ARMC2: variants seen among roughly 807,000 people sequenced by gnomAD.
ARMC2 encodes armadillo repeat containing 2.
Under a neutral mutation model 90.3 loss-of-function variants are expected in ARMC2, and 67 were observed. The ratio of observed to expected loss-of-function variants is 0.74; its 90% CI spans 0.61 to 0.91. The LOEUF (loss-of-function observed/expected upper bound fraction) is 0.91, where lower values mean the gene tolerates loss of function less well. Ranked by LOEUF, ARMC2 falls within the 40% of genes least tolerant of loss-of-function variation. The pLI is 0.00. For missense variants in ARMC2, 920 were observed against 1,030.9 expected (o/e 0.89, Z 1.47); for synonymous variants, 393 against 393.0 (o/e 1.00, Z 0.00).
At chr6:108,880,400 T>C in intron 5 of ARMC2, 1 of 161,494 alleles carries the variant, frequency 6.2e-6, no homozygotes, top group Non-Finnish European at 1.4e-5. Context: ...GCCAGTTGCA[T>C]TCCTTCATGG....
Position 108,876,306 on chromosome 6 carries a change from G to A in ARMC2, c.627G>A (p.Met209Ile). ...TCAGTGAAATAAAGGAGCAAGAAATGTTCAAAGGAACAACATCTTTACCAT... is the reference window on the plus strand; with the variant it reads ...TCAGTGAAATAAAGGAGCAAGAAATATTCAAAGGAACAACATCTTTACCAT... The part of the protein sequence containing the change: ...GGFSEIKEQE[M>I]FKGTTSLPSH... Residue 209 changes from methionine to isoleucine, a missense_variant, in exon 5 of 18, where the codon ATG (methionine) becomes ATA (isoleucine). By Grantham distance (10) the Met-to-Ile change is conservative. Coordinates refer to ENST00000392644, the MANE Select transcript of ARMC2 (RefSeq NM_032131.6). 1.9e-6 allele frequency: 3 copies of A among 1,611,994 alleles called. No individual in the cohort carries two copies. Among genetic ancestry groups the A allele is most frequent in the East Asian group, 4.5e-5 (2 of 44,792 alleles).
chr6:108,868,845 C>T lies in ARMC2; in HGVS notation c.313C>T (p.Pro105Ser). 6.2e-7 allele frequency: 1 copy of T among 1,612,948 alleles called. No homozygotes were observed. Residue 105 changes from proline (P) to serine (S), a missense_variant, in exon 4 of 18, where the codon CCC becomes TCC. By Grantham distance (74) the Pro-to-Ser change is moderately conservative. Transcript: ENST00000392644. ...LELKPKVPASPTREEDSCFSF... is the reference protein window; with the variant it reads ...LELKPKVPASSTREEDSCFSF... ...CCAGAAACCGAAAGTTCCAGCATCT[C>T]CCACCAGAGAGGAGGATTCCTGCTT...
chr6:108,971,336 A>G (rs1024728234), intron 17 of ARMC2, among the ~76,000 whole-genome samples: 2 of 152,178 alleles, frequency 1.3e-5, no homozygotes, highest in Non-Finnish European at 2.9e-5. Context: ...GGGCCCAGTT[A>G]TCTCATGGGT....
intron 10 of ARMC2, among the ~76,000 whole-genome samples, chr6:108,918,403 GTGCTCTCT>G (rs1774207369): frequency 6.6e-6 from 1 of 152,114 alleles, no homozygotes; most frequent in African/African-American, 2.4e-5. Flanking sequence ...GGGCAACAGT[GTGCTCTCT>G]TGCTCTCTTT....
At chr6:108,982,665 C>T in the ARMC2 span, among the ~76,000 whole-genome samples, 1 of 152,096 alleles carries the variant, frequency 6.6e-6, no homozygotes, top group African/African-American at 2.4e-5. Context: ...TAGTAGCCAC[C>T]CTGATGAGTG....
chr6:109,037,770 A>G, the ARMC2 span, among the ~76,000 whole-genome samples: 42 of 152,170 alleles, frequency 2.8e-4, no homozygotes, highest in Admixed American at 2.4e-3. Context: ...GCTTGGTATA[A>G]TTTCAGAAGC....
At chr6:109,027,856 TTAAA>T in the ARMC2 span, among the ~76,000 whole-genome samples, 1 of 152,206 alleles carries the variant, frequency 6.6e-6, no homozygotes, top group South Asian at 2.1e-4. Flanking sequence ...TATTGGTCAT[TTAAA>T]TACATATATA....
At chr6:108,897,556 T>C (rs1355613225) in intron 6 of ARMC2, among the ~76,000 whole-genome samples, 1 of 152,070 alleles carries the variant, frequency 6.6e-6, no homozygotes, top group East Asian at 1.9e-4. Flanking sequence ...GTGGCTCAGC[T>C]GCTCTTGGCA....
At chr6:108,881,477 C>G (rs1302741579) in intron 5 of ARMC2, among the ~76,000 whole-genome samples, 1 of 152,146 alleles carries the variant, frequency 6.6e-6, no homozygotes, top group Non-Finnish European at 1.5e-5. Context: ...CATACCTTCT[C>G]AGACCTTGAG....
chr6:108,870,248 AC>A (rs1283691726), intron 4 of ARMC2, among the ~76,000 whole-genome samples: 2 of 152,154 alleles, frequency 1.3e-5, no homozygotes, highest in Non-Finnish European at 2.9e-5. Flanking sequence ...TTCATTTCCA[AC>A]ATTTAAAAGG....
Position 108,928,181 on chromosome 6 carries a change from G to C in ARMC2, c.1444G>C (p.Glu482Gln), listed in dbSNP as rs1240315643. Residue 482 changes from glutamate (E) to glutamine (Q), a missense_variant, in exon 11 of 18, where the codon GAA becomes CAA. Transcript: ENST00000392644. Reference protein sequence around the residue: ...SALPQLCTAMEQYKGDKDVCT... With the variant: ...SALPQLCTAMQQYKGDKDVCT... ...CCTTCCCCAGCTCTGCACGGCAATG[G>C]AACAGTACAAGGGTGACAAGGACGT... is the stretch of plus-strand genomic sequence containing the variant. The C allele has an allele frequency of 6.2e-7, 1 of 1,612,798 alleles. No individual in the cohort carries two copies. The highest frequency in any genetic ancestry group is 8.5e-7 in the Non-Finnish European group (1 of 1,179,494).
intron 9 of ARMC2, 143 bp downstream of exon 9, chr6:108,911,144 C>T: frequency 1.7e-6 from 1 of 596,996 alleles, no homozygotes; most frequent in Non-Finnish European, 2.9e-6. Flanking sequence ...CTCATTTTTA[C>T]TTCATCCTTC....
intron 5 of ARMC2, among the ~76,000 whole-genome samples, chr6:108,893,385 C>A (rs565253530): frequency 6.6e-6 from 1 of 152,180 alleles, no homozygotes; most frequent in East Asian, 1.9e-4. Flanking sequence ...ATTATGAGAC[C>A]TAAGTTCCAA....
At chr6:108,930,540 A>AT (rs551414763) in intron 11 of ARMC2, among the ~76,000 whole-genome samples, 14 of 133,400 alleles carry the variant, frequency 1.0e-4, no homozygotes, top group East Asian at 2.4e-4. Context: ...AAGATTAATG[A>AT]TTTTTTTTCT....
rs370247792 is a variant in ARMC2 at position 108,889,573 on chromosome 6, C to T, written c.672-4894C>T. On this transcript the variant is annotated intron_variant, in intron 5 of 17. Coordinates refer to ENST00000392644, the MANE Select transcript of ARMC2 (RefSeq NM_032131.6). ...CTCCTGCCTCAGCCTCCAAAGTGGC[C>T]GGGACTACAGGTGTGTGCCACCATG... Among the ~76,000 whole-genome samples the T allele has an allele frequency of 3.3e-5, 5 of 151,724 alleles. 1 individual carries two copies. Among genetic ancestry groups the T allele is most frequent in the South Asian group, 2.1e-4 (1 of 4,806 alleles).
At chr6:108,983,463 C>A in the ARMC2 span, among the ~76,000 whole-genome samples, 1 of 152,170 alleles carries the variant, frequency 6.6e-6, no homozygotes, top group Non-Finnish European at 1.5e-5. Flanking sequence ...CATTCTTTTG[C>A]ATGTGCATAT....
chr6:109,046,190 C>T, the ARMC2 span, among the ~76,000 whole-genome samples: 2 of 150,992 alleles, frequency 1.3e-5, no homozygotes, highest in East Asian at 3.9e-4. Flanking sequence ...CTGCAACCTC[C>T]CTGCCTGATT....
chr6:108,880,190 G>A (rs1582995966), intron 5 of ARMC2: 1 of 339,038 alleles, frequency 2.9e-6, no homozygotes, highest in East Asian at 7.8e-5. Context: ...GTATAGGCTT[G>A]ATTTTTGTTG....
chr6:108,992,565 T>G, the ARMC2 span, among the ~76,000 whole-genome samples: 1 of 152,248 alleles, frequency 6.6e-6, no homozygotes, highest in African/African-American at 2.4e-5. Flanking sequence ...CTTACATATT[T>G]AAATATTTAC....
Sources: gnomAD v4.1 joint callset for allele counts (sites outside exome capture counted in the v4.1 genomes callset) on GRCh38, gnomAD v4.1.1 for gene constraint, MANE v1.5 for transcripts, NCBI Gene and HGNC (gene_info 2026-07-23, HGNC 2026-07-21) for gene names.